The following CCND2 variants were observed in gnomAD, a reference collection of about 807,000 sequenced individuals.
CCND2 encodes the protein cyclin D2, also known as G1/S-specific cyclin-D2.
CCND2 carries 6 observed loss-of-function variants against 30.2 expected under a neutral mutation model. That is an observed-to-expected ratio of 0.20 (90% confidence interval 0.11 to 0.39). The LOEUF (loss-of-function observed/expected upper bound fraction) is 0.39. CCND2 is among the 10% of genes least tolerant of loss of function. The pLI is 1.00. For missense variants in CCND2, 235 were observed against 373.4 expected (o/e 0.63, Z 3.06); for synonymous variants, 150 against 153.1 (o/e 0.98, Z 0.15).
chr12:4,303,834 T>C lies in CCND2; in HGVS notation c.*3825T>C, dbSNP rs3217933. On this transcript the variant is annotated 3_prime_UTR_variant, in exon 5 of 5. Transcript: ENST00000261254. This position sits in a 1 kb window ranked among gnomAD's most constrained non-coding sequence, Gnocchi z 4.6. ...GAGCACAGCATGCCTTACTACTGGG[T>C]CATCCTTGGTCTATGTGCTCTGTAC... 49,504 of 233,042 alleles carry C rather than the reference T, an allele frequency of 0.21. 5,977 individuals carry two copies. The highest frequency in any genetic ancestry group is 0.26 in the Non-Finnish European group (30,337 of 117,968). 14.4% of individuals were successfully genotyped at this position (233,042 alleles called of 1,614,324 possible). A position where few individuals can be genotyped will look rare whatever the true frequency, so the allele number is the denominator to read the frequency against.
intron 4 of CCND2, among the ~76,000 whole-genome samples, chr12:4,292,141 G>A (rs1463296424): frequency 6.6e-6 from 1 of 151,976 alleles, no homozygotes; most frequent in Non-Finnish European, 1.5e-5. Context: ...AAATGTGTGT[G>A]TGTATATATG....
chr12:4,286,195 T>A (rs1864020464), intron 3 of CCND2, among the ~76,000 whole-genome samples: 1 of 152,244 alleles, frequency 6.6e-6, no homozygotes, highest in South Asian at 2.1e-4. Flanking sequence ...AGCCTGATAC[T>A]TTCTATCCTA....
chr12:4,280,328 C>A (rs1863931601), intron 3 of CCND2, among the ~76,000 whole-genome samples: 1 of 152,246 alleles, frequency 6.6e-6, no homozygotes, highest in Admixed American at 6.5e-5. Flanking sequence ...CTAGCAGGAC[C>A]TGTGTGTTCT....
At position 4,305,022 on chromosome 12, in the gene CCND2, A is replaced by C. The variant is rs1431509489; in HGVS notation, c.*5013A>C. 1.3e-5 allele frequency: 3 copies of C among 231,364 alleles called. No homozygotes were observed. The highest frequency in any genetic ancestry group is 6.7e-5 in the African/African-American group (3 of 44,622). 14.3% of individuals were successfully genotyped at this position (231,364 alleles called of 1,614,324 possible). A position where few individuals can be genotyped will look rare whatever the true frequency, so the allele number is the denominator to read the frequency against. ...TTTCTTTTTTTTTTTGCTTTAAAAC[A>C]AGTGTGATGCCATATCAAGTCCATG... On this transcript the variant is annotated 3_prime_UTR_variant, in exon 5 of 5. Coordinates refer to ENST00000261254, the MANE Select transcript of CCND2 (RefSeq NM_001759.4). The surrounding 1 kb of genome is among the most constrained non-coding windows in gnomAD (Gnocchi z 6.4).
At position 4,276,110 on chromosome 12, in the gene CCND2, C is replaced by T; in HGVS notation, c.301C>T (p.Leu101=). 4 of 1,614,136 alleles carry T rather than the reference C, an allele frequency of 2.5e-6. No individual in the cohort carries two copies. Among genetic ancestry groups the T allele is most frequent in the Non-Finnish European group, 3.4e-6 (4 of 1,180,018 alleles). ...VPTPKSHLQL[L]GAVCMFLASK... ...GACTCCGAAGTCCCATCTGCAACTC[C>T]TGGGTGCTGTCTGCATGTTCCTGGC... Residue 101 remains leucine (L), a synonymous_variant, in exon 2 of 5, where the codon CTG becomes TTG. Transcript: ENST00000261254. This position sits in a 1 kb window ranked among gnomAD's most constrained non-coding sequence, Gnocchi z 4.8.
In CCND2 at chr12:4,276,267, C is replaced by T. The variant is rs1249822090; in HGVS notation, c.411+47C>T. On this transcript the variant is annotated intron_variant, in intron 2 of 4. Coordinates refer to ENST00000261254, the MANE Select transcript of CCND2 (RefSeq NM_001759.4). The surrounding 1 kb of genome is among the most constrained non-coding windows in gnomAD (Gnocchi z 4.8). ...CCTTCCTTTCTGCGATTCCCGCTTT[C>T]CCCTGGCCAACAATATGCCTTCTAT... 1 of 1,531,452 alleles carries T rather than the reference C, an allele frequency of 6.5e-7. No homozygotes were observed. Among genetic ancestry groups the T allele is most frequent in the Non-Finnish European group, 9.0e-7 (1 of 1,115,714 alleles). The allele number at this position is 1,531,452 out of a possible 1,614,324, so 94.9% of individuals were successfully genotyped here.
Position 4,299,952 on chromosome 12 carries a change from G to C in CCND2, c.813G>C (p.Ser271=). 6.2e-7 allele frequency: 1 copy of C among 1,614,136 alleles called. No individual in the cohort carries two copies. Among genetic ancestry groups the C allele is most frequent in the Non-Finnish European group, 8.5e-7 (1 of 1,180,012 alleles). ...YRQDQRDGSK[S]EDELDQASTP... is the part of the protein sequence containing the mutation. ...AGGACCAACGTGACGGATCCAAGTC[G>C]GAGGATGAACTGGACCAAGCCAGCA... The change falls in exon 5 of 5, where the codon TCG becomes TCC. Residue 271 remains serine, a synonymous_variant. Coordinates refer to ENST00000261254, the MANE Select transcript of CCND2 (RefSeq NM_001759.4). This position sits in a 1 kb window ranked among gnomAD's most constrained non-coding sequence, Gnocchi z 5.2.
intron 4 of CCND2, among the ~76,000 whole-genome samples, chr12:4,297,419 A>C (rs572377841): frequency 2.0e-5 from 3 of 151,920 alleles, no homozygotes; most frequent in Admixed American, 6.6e-5. Context: ...ATAAATACAA[A>C]AATCAGCTGG....
At position 4,302,491 on chromosome 12, in the gene CCND2, C is replaced by G. The variant is rs1214929368; in HGVS notation, c.*2482C>G. 1 of 232,886 alleles carries G rather than the reference C, an allele frequency of 4.3e-6. No individual in the cohort carries two copies. Among genetic ancestry groups the G allele is most frequent in the Non-Finnish European group, 8.5e-6 (1 of 117,932 alleles). The allele number at this position is 232,886 out of a possible 1,614,324, so 14.4% of individuals were successfully genotyped here. A position where few individuals can be genotyped will look rare whatever the true frequency, so the allele number is the denominator to read the frequency against. On this transcript the variant is annotated 3_prime_UTR_variant, in exon 5 of 5. Coordinates refer to ENST00000261254, the MANE Select transcript of CCND2 (RefSeq NM_001759.4). The stretch of plus-strand genomic sequence containing the variant: ...CTTTCCCCTCCCCTGGCATGGACAC[C>G]TTGTGTTTAGGATCATCTCTGCAGG...
chr12:4,278,742 T>G lies in CCND2; in HGVS notation c.412-18T>G. ...TGGAATTTAGATTCTCCTCTTCTCT[T>G]CCTGCCTTCCCCTCCAGGAGTGGGA... On this transcript the variant is annotated intron_variant, in intron 2 of 4. Coordinates refer to ENST00000261254, the MANE Select transcript of CCND2 (RefSeq NM_001759.4). The G allele has an allele frequency of 6.2e-7, 1 of 1,613,354 alleles. No individual in the cohort carries two copies. The highest frequency in any genetic ancestry group is 8.5e-7 in the Non-Finnish European group (1 of 1,179,388).
At chr12:4,279,184 T>C (rs1433076133) in intron 3 of CCND2, among the ~76,000 whole-genome samples, 2 of 152,258 alleles carry the variant, frequency 1.3e-5, no homozygotes, top group African/African-American at 4.8e-5. Flanking sequence ...TGTTAAAATA[T>C]TCTTTATGAT....
rs1863818417 is a variant in CCND2, at chr12:4,273,808, G to C, written c.-233G>C. On this transcript the variant is annotated 5_prime_UTR_variant, in exon 1 of 5. Coordinates refer to ENST00000261254, the MANE Select transcript of CCND2 (RefSeq NM_001759.4). This position sits in a 1 kb window ranked among gnomAD's most constrained non-coding sequence, Gnocchi z 5.9. ...GGGAGAGCGAGACCAGTTTTAAGGG[G>C]AGGACCGGTGCGAGTGAGGCAGCCC... The C allele has an allele frequency of 5.1e-6, 3 of 588,604 alleles. No individual in the cohort carries two copies. The highest frequency in any genetic ancestry group is 9.1e-6 in the Non-Finnish European group (3 of 330,888). The allele number at this position is 588,604 out of a possible 1,614,324, so 36.5% of individuals were successfully genotyped here.
Position 4,297,186 on chromosome 12 carries a change from T to C in CCND2, c.721-2674T>C, listed in dbSNP as rs557975998. On this transcript the variant is annotated intron_variant, in intron 4 of 4. Coordinates refer to ENST00000261254, the MANE Select transcript of CCND2 (RefSeq NM_001759.4). ...TCACTTTGTGCCTTAACCCCCACATTCATTTTGATTCTATATTTAGTATTA... is the reference window on the plus strand; with the variant it reads ...TCACTTTGTGCCTTAACCCCCACATCCATTTTGATTCTATATTTAGTATTA... Among the ~76,000 whole-genome samples, 59 of 152,314 alleles carry C rather than the reference T, an allele frequency of 3.9e-4. 1 individual carries two copies. Among genetic ancestry groups the C allele is most frequent in the Middle Eastern group, 6.8e-3 (2 of 294 alleles).
Position 4,303,344 on chromosome 12 carries a change from G to A in CCND2, c.*3335G>A. On this transcript the variant is annotated 3_prime_UTR_variant, in exon 5 of 5. Transcript: ENST00000261254. This position sits in a 1 kb window ranked among gnomAD's most constrained non-coding sequence, Gnocchi z 4.6. ...GATTTTGCCCTCTCCTTAGCTCTTA[G>A]TCTCTTTGGTAGGAGTTTTGTTCCA... The A allele has an allele frequency of 4.3e-6, 1 of 233,264 alleles. No individual in the cohort carries two copies. Among genetic ancestry groups the A allele is most frequent in the Non-Finnish European group, 8.5e-6 (1 of 118,060 alleles). 14.4% of individuals were successfully genotyped at this position (233,264 alleles called of 1,614,324 possible). A position where few individuals can be genotyped will look rare whatever the true frequency, so the allele number is the denominator to read the frequency against.
At chr12:4,279,173 C>A (rs1483320988) in intron 3 of CCND2, among the ~76,000 whole-genome samples, 1 of 152,106 alleles carries the variant, frequency 6.6e-6, no homozygotes, top group Non-Finnish European at 1.5e-5. Context: ...AAATTAGTGC[C>A]TGTTAAAATA....
At chr12:4,297,378 C>T (rs1864185211) in intron 4 of CCND2, among the ~76,000 whole-genome samples, 1 of 151,980 alleles carries the variant, frequency 6.6e-6, no homozygotes, top group Non-Finnish European at 1.5e-5. Flanking sequence ...CAAGACCAGC[C>T]TGGCCAATCT....
chr12:4,303,154 A>G lies in CCND2; in HGVS notation c.*3145A>G, dbSNP rs1864273884. ...CTACCCGACTCTATTTACAGTCTGT[A>G]ACTTTCCACTCTTCCTGTAGTCCCG... On this transcript the variant is annotated 3_prime_UTR_variant, in exon 5 of 5. Coordinates refer to ENST00000261254, the MANE Select transcript of CCND2 (RefSeq NM_001759.4). The surrounding 1 kb of genome is among the most constrained non-coding windows in gnomAD (Gnocchi z 4.6). The G allele has an allele frequency of 4.3e-6, 1 of 233,276 alleles. No homozygotes were observed. Among genetic ancestry groups the G allele is most frequent in the Non-Finnish European group, 8.5e-6 (1 of 118,142 alleles). 14.5% of individuals were successfully genotyped at this position (233,276 alleles called of 1,614,324 possible). A position where few individuals can be genotyped will look rare whatever the true frequency, so the allele number is the denominator to read the frequency against.
intron 2 of CCND2, among the ~76,000 whole-genome samples, chr12:4,278,017 C>T (rs191184632): frequency 3.3e-5 from 5 of 152,342 alleles, no homozygotes; most frequent in African/African-American, 1.2e-4. Context: ...CCCACACTTG[C>T]ACTGAGGGAT....
chr12:4,290,197 G>T (rs573087460), intron 4 of CCND2, among the ~76,000 whole-genome samples: 1 of 152,194 alleles, frequency 6.6e-6, no homozygotes, highest in East Asian at 1.9e-4. Context: ...CTCCTCGCCC[G>T]CCCACCTGGA....
Sources: allele counts gnomAD v4.1 joint callset (sites outside exome capture counted in the v4.1 genomes callset), GRCh38; gene constraint gnomAD v4.1.1; non-coding constraint Gnocchi (gnomAD v3.1); transcripts MANE v1.5; gene names NCBI Gene and HGNC (gene_info 2026-07-23, HGNC 2026-07-21).